The following NIPBL variants were observed in gnomAD, a reference collection of about 807,000 sequenced individuals.
NIPBL encodes the protein nipped-B-like protein.
Under a neutral mutation model 321.8 loss-of-function variants are expected in NIPBL, and 19 were observed. That is an observed-to-expected ratio of 0.06 (90% confidence interval 0.04 to 0.09). NIPBL has a LOEUF of 0.09. NIPBL is among the 10% of genes least tolerant of loss of function. NIPBL has a pLI of 1.00. For missense variants in NIPBL, 2,210 were observed against 3,327.0 expected, an observed-to-expected ratio of 0.66 and a Z score of 8.26; for synonymous variants, 1,106 against 1,114.1, an observed-to-expected ratio of 0.99 and a Z score of 0.14.
chr5:37,061,918 C>G (rs941723932), intron 45 of NIPBL, among the ~76,000 whole-genome samples: 2 of 151,984 alleles, frequency 1.3e-5, no homozygotes, highest in Non-Finnish European at 1.5e-5. Flanking sequence ...CTCGGCTCAC[C>G]GCAACTTCTG....
chr5:36,935,469 T>TC (rs1738307756), intron 1 of NIPBL, among the ~76,000 whole-genome samples: 2 of 152,138 alleles, frequency 1.3e-5, no homozygotes, highest in African/African-American at 4.8e-5. Flanking sequence ...TTCTCAGACT[T>TC]CAAGATTCAG....
chr5:37,049,324 G>A (rs1753282203), intron 40 of NIPBL, 23 bp downstream of exon 40: 3 of 1,610,778 alleles, frequency 1.9e-6, no homozygotes, highest in Admixed American at 1.7e-5. Flanking sequence ...TATGGCAGCA[G>A]CACTTACTAA....
chr5:36,985,408 G>T lies in NIPBL; in HGVS notation c.2228G>T (p.Arg743Leu). The T allele has an allele frequency of 6.2e-7, 1 of 1,613,518 alleles. No individual in the cohort carries two copies. Among genetic ancestry groups the T allele is most frequent in the Non-Finnish European group, 8.5e-7 (1 of 1,179,914 alleles). ...PETPKQKGES[R>L]PETPKQKNEG... ...ACTCCAAAGCAAAAAGGTGAGAGCCGCCCTGAAACTCCAAAGCAAAAAAAT... is the reference window on the plus strand; with the variant it reads ...ACTCCAAAGCAAAAAGGTGAGAGCCTCCCTGAAACTCCAAAGCAAAAAAAT... Residue 743 changes from arginine (R) to leucine (L), a missense_variant, in exon 10 of 47, where the codon CGC becomes CTC. This residue lies in a region of NIPBL where 588 missense variants were observed against 564.1 expected (regional missense o/e 1.04). Transcript: ENST00000282516.
chr5:36,962,698 T>C (rs933418171), intron 6 of NIPBL, among the ~76,000 whole-genome samples: 1 of 152,154 alleles, frequency 6.6e-6, no homozygotes, highest in Non-Finnish European at 1.5e-5. Flanking sequence ...TGAAAATATT[T>C]GGAAAAAAAA....
chr5:36,956,018 G>A (rs547722545), intron 3 of NIPBL, among the ~76,000 whole-genome samples: 102 of 150,168 alleles, frequency 6.8e-4, no homozygotes, highest in African/African-American at 2.5e-3. Context: ...TCAAGAGATT[G>A]AGACCATCCT....
At chr5:37,028,536 T>C (rs1349852526) in intron 32 of NIPBL, among the ~76,000 whole-genome samples, 3 of 152,028 alleles carry the variant, frequency 2.0e-5, no homozygotes, top group Non-Finnish European at 2.9e-5. Context: ...AGATGAAGTT[T>C]CGCCATGTTG....
chr5:37,064,001 G>GT, intron 46 of NIPBL, 23 bp downstream of exon 46: 1 of 1,612,502 alleles, frequency 6.2e-7, no homozygotes, highest in East Asian at 2.2e-5. Context: ...AGGAGTCAAC[G>GT]TATTTCGCAG....
chr5:37,039,777 T>C (rs1752124732), intron 34 of NIPBL, among the ~76,000 whole-genome samples: 1 of 152,082 alleles, frequency 6.6e-6, no homozygotes, highest in South Asian at 2.1e-4. Context: ...ACCTCAGGAC[T>C]TCCTGAGAAA....
chr5:37,014,849 C>T lies in NIPBL; in HGVS notation c.4643+84C>T, dbSNP rs979973530. The T allele has an allele frequency of 4.8e-6, 4 of 841,314 alleles. No homozygotes were observed. In the African/African-American group the frequency reaches 5.0e-5, roughly 11 times the overall value. The allele number at this position is 841,314 out of a possible 1,614,324, so 52.1% of individuals were successfully genotyped here. A position where few individuals can be genotyped will look rare whatever the true frequency, so the allele number is the denominator to read the frequency against. ...TTTTTTAAAAAGATGAATCCAATTT[C>T]CTGCCATAATCTGAACCTTGAATAC... On this transcript the variant is annotated intron_variant, in intron 22 of 46. Transcript: ENST00000282516.
At chr5:36,898,749 G>A (rs1029083126) in intron 1 of NIPBL, among the ~76,000 whole-genome samples, 3 of 152,000 alleles carry the variant, frequency 2.0e-5, no homozygotes, top group Non-Finnish European at 2.9e-5. Context: ...GACCTCAGGC[G>A]ATCCACCCAC....
Position 37,027,431 on chromosome 5 carries a change from C to G in NIPBL, c.5862+19C>G. 1 of 1,597,826 alleles carries G rather than the reference C, an allele frequency of 6.3e-7. No individual in the cohort carries two copies. Among genetic ancestry groups the G allele is most frequent in the East Asian group, 2.2e-5 (1 of 44,742 alleles). On this transcript the variant is annotated intron_variant, in intron 32 of 46. Transcript: ENST00000282516. ...TCAAAACGTGAGTGTTCTTTTGACT[C>G]CTGATAACCTAAAATTTAATAGGTT...
At chr5:36,994,844 G>C (rs1745951000) in intron 10 of NIPBL, among the ~76,000 whole-genome samples, 1 of 149,848 alleles carries the variant, frequency 6.7e-6, no homozygotes, top group Admixed American at 6.7e-5. Flanking sequence ...TAGTATAATG[G>C]CTCTTATTGT....
chr5:36,884,205 A>C (rs1019010143), intron 1 of NIPBL, among the ~76,000 whole-genome samples: 1 of 151,896 alleles, frequency 6.6e-6, no homozygotes, highest in Admixed American at 6.6e-5. Flanking sequence ...ATCTCCCCCA[A>C]AGCAAATTTT....
chr5:36,876,920 C>T lies in NIPBL; in HGVS notation c.-338C>T, dbSNP rs886060556. On this transcript the variant is annotated 5_prime_UTR_variant, in exon 1 of 47. Transcript: ENST00000282516. Reference sequence around the variant, plus strand: ...CCCCCGCCGACAGGAGAATTGGTTCCCGGGCCCGCGGCGATGCCCCCCCGG... The same window carrying T: ...CCCCCGCCGACAGGAGAATTGGTTCTCGGGCCCGCGGCGATGCCCCCCCGG... The T allele has an allele frequency of 1.6e-5, 5 of 317,102 alleles. No individual in the cohort carries two copies. The South Asian group carries it at 7.3e-4, about 46-fold the overall frequency. The allele number at this position is 317,102 out of a possible 1,614,324, so 19.6% of individuals were successfully genotyped here. A position where few individuals can be genotyped will look rare whatever the true frequency, so the allele number is the denominator to read the frequency against.
chr5:36,925,903 C>T (rs159140), intron 1 of NIPBL, among the ~76,000 whole-genome samples: 21,516 of 152,154 alleles, frequency 0.14, 1,888 homozygotes, highest in East Asian at 0.31. Flanking sequence ...GTCTCCCAAA[C>T]TTCTAAGTCA....
At chr5:36,983,719 C>T (rs1744408237) in intron 9 of NIPBL, among the ~76,000 whole-genome samples, 1 of 151,996 alleles carries the variant, frequency 6.6e-6, no homozygotes, top group Admixed American at 6.6e-5. Flanking sequence ...AAATGACTAG[C>T]TCCCTCTTAA....
At chr5:37,049,373 T>C in intron 40 of NIPBL, 72 bp downstream of exon 40, 1 of 1,493,640 alleles carries the variant, frequency 6.7e-7, no homozygotes, top group East Asian at 2.3e-5. Flanking sequence ...ATTGTGATTA[T>C]AGAGAATAAG....
At chr5:37,014,033 C>T (rs1748599288) in intron 21 of NIPBL, among the ~76,000 whole-genome samples, 1 of 152,242 alleles carries the variant, frequency 6.6e-6, no homozygotes, top group African/African-American at 2.4e-5. Context: ...CAGCGAAACC[C>T]CGTCTCCACC....
chr5:37,020,651 CCTT>C lies in NIPBL; in HGVS notation c.5206_5208del (p.Ser1736del). The C allele has an allele frequency of 6.2e-7, 1 of 1,613,918 alleles. No individual in the cohort carries two copies. The highest frequency in any genetic ancestry group is 8.5e-7 in the Non-Finnish European group (1 of 1,179,876). The stretch of plus-strand genomic sequence containing the variant: ...TCTTAGAAGCATTATCAAAACCACA[CCTT>C]CTCAGTTTAGCACATTAAAGTAAGA... On this transcript the variant is annotated inframe_deletion, in exon 26 of 47. Transcript: ENST00000282516.
Sources: allele counts gnomAD v4.1 joint callset (sites outside exome capture counted in the v4.1 genomes callset), GRCh38; gene constraint gnomAD v4.1.1; regional missense constraint gnomAD v4.1.1; transcripts MANE v1.5; gene names NCBI Gene and HGNC (gene_info 2026-07-23, HGNC 2026-07-21).